COG5: variants seen among roughly 807,000 people sequenced by gnomAD.
The protein encoded by COG5 is component of oligomeric golgi complex 5.
In COG5, 86 loss-of-function variants were observed where a neutral mutation model predicts 110.4. That is an observed-to-expected ratio of 0.78 (90% CI 0.65 to 0.93). The LOEUF (loss-of-function observed/expected upper bound fraction) is 0.93, where lower values mean the gene tolerates loss of function less well. Ranked by LOEUF, COG5 falls within the 40% of genes least tolerant of loss-of-function variation. The probability of loss-of-function intolerance (pLI) is 0.00; values close to 1 mark genes in which losing one functional copy is unlikely to be tolerated. For missense variants in COG5, 1,077 were observed against 987.0 expected (o/e 1.09, Z -1.22); for synonymous variants, 360 against 334.6 (o/e 1.08, Z -0.83).
intron 7 of COG5, among the ~76,000 whole-genome samples, chr7:107,379,868 C>T (rs1037117804): frequency 1.3e-5 from 2 of 151,920 alleles, no homozygotes; most frequent in Non-Finnish European, 2.9e-5. Context: ...ATGAGATCAA[C>T]GAGACAGAAA....
intron 11 of COG5, among the ~76,000 whole-genome samples, chr7:107,301,286 C>T (rs1430315868): frequency 1.3e-5 from 2 of 152,008 alleles, no homozygotes; most frequent in Non-Finnish European, 2.9e-5. Flanking sequence ...AGTGTCTGCT[C>T]TTCAAAAAAA....
intron 11 of COG5, among the ~76,000 whole-genome samples, chr7:107,323,897 A>G (rs1187976457): frequency 6.6e-6 from 1 of 152,214 alleles, no homozygotes; most frequent in African/African-American, 2.4e-5. Flanking sequence ...GCTGGTTTGC[A>G]TATTTCATTG....
At chr7:107,379,209 A>T (rs1262447330) in intron 7 of COG5, among the ~76,000 whole-genome samples, 1 of 152,200 alleles carries the variant, frequency 6.6e-6, no homozygotes, top group African/African-American at 2.4e-5. Context: ...TCCTTTACAG[A>T]CAAGCAAATG....
intron 7 of COG5, among the ~76,000 whole-genome samples, chr7:107,373,510 T>C (rs1409543451): frequency 1.3e-5 from 2 of 152,022 alleles, no homozygotes; most frequent in African/African-American, 2.4e-5. Flanking sequence ...AAGGAAGATA[T>C]GGGAAAATAC....
rs756877208 is a variant in COG5 at position 107,324,478 on chromosome 7, GTAAC to G, written c.1066_1069del (p.Val356LeufsTer18). ...ATGAAATTGAGAAGAAAGTGCCTGA[GTAAC>G]TGAATTCCAAAATGTGTAGAAAATT... On this transcript the variant is annotated frameshift_variant, in exon 11 of 22. Transcript: ENST00000297135. LOFTEE classifies it high-confidence loss of function. 1 of 1,606,278 alleles carries G rather than the reference GTAAC, an allele frequency of 6.2e-7. No individual in the cohort carries two copies. The highest frequency in any genetic ancestry group is 8.5e-7 in the Non-Finnish European group (1 of 1,175,768).
At chr7:107,372,161 C>T (rs1421677441) in intron 8 of COG5, among the ~76,000 whole-genome samples, 1 of 151,924 alleles carries the variant, frequency 6.6e-6, no homozygotes, top group African/African-American at 2.4e-5. Context: ...TTTCTATGTC[C>T]ACAGTCAGTC....
In COG5 at chr7:107,383,852, G is replaced by A. The variant is rs145528041; in HGVS notation, c.670-11092C>T. Among the ~76,000 whole-genome samples the A allele has an allele frequency of 1.1e-3, 169 of 152,104 alleles. 1 individual carries two copies. Among genetic ancestry groups the A allele is most frequent in the Admixed American group, 0.011 (166 of 15,280 alleles). ...ATAGGTAACTGTGCCTCTGTACTAG[G>A]GGACACTCCCTTCAGATGCATCCTC... is the stretch of plus-strand genomic sequence containing the variant. On this transcript the variant is annotated intron_variant, in intron 7 of 21. Coordinates refer to ENST00000297135, the MANE Select transcript of COG5 (RefSeq NM_006348.5).
intron 6 of COG5, among the ~76,000 whole-genome samples, chr7:107,430,399 A>T (rs1369272877): frequency 6.6e-6 from 1 of 152,230 alleles, no homozygotes; most frequent in Admixed American, 6.5e-5. Flanking sequence ...TTAACTATAA[A>T]TGTCAGAGTT....
intron 1 of COG5, among the ~76,000 whole-genome samples, chr7:107,558,805 G>A (rs1459844762): frequency 6.3e-5 from 9 of 142,766 alleles, no homozygotes; most frequent in Non-Finnish European, 9.1e-5. Context: ...GGAGAATGGC[G>A]TGAACCCGGG....
intron 21 of COG5, 99 bp downstream of exon 21, chr7:107,210,427 T>C (rs1014052955): frequency 2.0e-6 from 3 of 1,523,528 alleles, no homozygotes; most frequent in Non-Finnish European, 2.7e-6. Flanking sequence ...TGCAGTCACA[T>C]GTCCATGCCC....
intron 10 of COG5, among the ~76,000 whole-genome samples, chr7:107,328,566 A>T (rs998243035): frequency 2.6e-5 from 4 of 152,198 alleles, no homozygotes; most frequent in Non-Finnish European, 5.9e-5. Flanking sequence ...AGTAGCTAAA[A>T]TAGTCAAACT....
chr7:107,475,269 C>G, intron 6 of COG5: 1 of 1,600,190 alleles, frequency 6.2e-7, no homozygotes, highest in South Asian at 1.1e-5. Flanking sequence ...TAATACACAA[C>G]TCTTGGATAG....
intron 8 of COG5, among the ~76,000 whole-genome samples, chr7:107,364,874 C>T (rs765210385): frequency 1.6e-4 from 24 of 151,958 alleles, no homozygotes; most frequent in South Asian, 6.2e-4. Context: ...GTTTGAAATC[C>T]GCATCTAATG....
intron 6 of COG5, among the ~76,000 whole-genome samples, chr7:107,493,761 A>C (rs1014468300): frequency 6.6e-6 from 1 of 152,140 alleles, no homozygotes; most frequent in Non-Finnish European, 1.5e-5. Context: ...AACATCTAGA[A>C]TCTCTTAGAA....
intron 10 of COG5, among the ~76,000 whole-genome samples, chr7:107,350,600 T>C (rs953051491): frequency 2.0e-5 from 3 of 152,202 alleles, no homozygotes; most frequent in East Asian, 1.9e-4. Context: ...GTTTATGAGA[T>C]TGGCAATTTT....
At chr7:107,561,923 C>A (rs1445092803) in intron 1 of COG5, among the ~76,000 whole-genome samples, 1 of 152,042 alleles carries the variant, frequency 6.6e-6, no homozygotes, top group Non-Finnish European at 1.5e-5. Context: ...TTGCAGTGAG[C>A]CGAGACTGCG....
At chr7:107,239,156 T>C (rs1331467717) in intron 17 of COG5, among the ~76,000 whole-genome samples, 1 of 152,182 alleles carries the variant, frequency 6.6e-6, no homozygotes, top group Non-Finnish European at 1.5e-5. Flanking sequence ...GAGATAAGGG[T>C]CCAATTTCAT....
At chr7:107,286,832 CTT>C (rs1303995704) in intron 12 of COG5, among the ~76,000 whole-genome samples, 1 of 152,072 alleles carries the variant, frequency 6.6e-6, no homozygotes, top group African/African-American at 2.4e-5. Flanking sequence ...TAATCTATCT[CTT>C]CTTATCCCAT....
intron 21 of COG5, among the ~76,000 whole-genome samples, chr7:107,207,529 A>C (rs942300671): frequency 4.6e-5 from 7 of 152,342 alleles, no homozygotes; most frequent in African/African-American, 1.7e-4. Context: ...CTCCACGGCA[A>C]ATATCCAGAG....
Sources: gnomAD v4.1 joint callset for allele counts (sites outside exome capture counted in the v4.1 genomes callset) on GRCh38, gnomAD v4.1.1 for gene constraint, MANE v1.5 for transcripts, NCBI Gene and HGNC (gene_info 2026-07-23, HGNC 2026-07-21) for gene names.